Variants in SRRM2 observed in about 807,000 individuals in gnomAD.
SRRM2 encodes serine/arginine repetitive matrix 2, also known as serine/arginine repetitive matrix protein 2.
In SRRM2, 30 loss-of-function variants were observed where a neutral mutation model predicts 213.8. That is an observed-to-expected ratio of 0.14 (90% CI 0.10 to 0.19). The LOEUF (loss-of-function observed/expected upper bound fraction) is 0.19, where lower values mean the gene tolerates loss of function less well. SRRM2 is among the 10% of genes least tolerant of loss of function. SRRM2 has a pLI of 1.00. For missense variants in SRRM2, 4,904 were observed against 3,647.0 expected (o/e 1.34, Z -8.88); for synonymous variants, 2,025 against 1,377.7 (o/e 1.47, Z -10.40).
chr16:2,762,742 A>G lies in SRRM2; in HGVS notation c.2214A>G (p.Gln738=), dbSNP rs1375224338. 1.2e-6 allele frequency: 2 copies of G among 1,614,052 alleles called. No individual in the cohort carries two copies. Among genetic ancestry groups the G allele is most frequent in the Admixed American group, 3.3e-5 (2 of 60,016 alleles). The change falls in exon 11 of 15, where the codon CAA becomes CAG. Residue 738 remains glutamine, a synonymous_variant. Coordinates refer to ENST00000301740, the MANE Select transcript of SRRM2 (RefSeq NM_016333.4). ...GGAAAAACAAATCCAGAACATCTCA[A>G]AGAAGAAGCAGGTCCAATTCAAGCC... The part of the protein sequence containing the change: ...SERKNKSRTS[Q]RRSRSNSSPE...
intron 11 of SRRM2, 68 bp from the exon 12 acceptor site, chr16:2,768,929 C>T (rs1324899413): frequency 1.9e-6 from 3 of 1,602,378 alleles, no homozygotes; most frequent in South Asian, 1.1e-5. Context: ...GCCGTTCCTC[C>T]AGGCCAAGGA....
At chr16:2,754,340 C>T (rs942923924) in intron 1 of SRRM2, among the ~76,000 whole-genome samples, 2 of 151,866 alleles carry the variant, frequency 1.3e-5, no homozygotes, top group East Asian at 3.9e-4. Flanking sequence ...GTTGGCAGGC[C>T]GGAGTGCAGT....
intron 3 of SRRM2, 41 bp downstream of exon 3, chr16:2,757,620 C>T (rs2068192128): frequency 6.3e-7 from 1 of 1,588,012 alleles, no homozygotes; most frequent in African/African-American, 1.4e-5. Flanking sequence ...GGACTCTACT[C>T]TGGCTGCTGG....
rs773022267 is a variant in SRRM2 at position 2,763,350 on chromosome 16, T to C, written c.2822T>C (p.Val941Ala). The change falls in exon 11 of 15, where the codon GTG becomes GCG. Residue 941 changes from valine (V) to alanine (A), a missense_variant. Physicochemically the swap from Val to Ala is moderately conservative, Grantham distance 64. Transcript: ENST00000301740. ...TCCTCTTCTCCAAGTCCTAGTAGGG[T>C]GACGTCGAGAACAACTCCACGGCGA... ...SGSSSPSPSR[V>A]TSRTTPRRSR... The C allele has an allele frequency of 1.2e-6, 2 of 1,614,106 alleles. No homozygotes were observed. The highest frequency in any genetic ancestry group is 1.7e-6 in the Non-Finnish European group (2 of 1,180,034).
intron 1 of SRRM2, among the ~76,000 whole-genome samples, chr16:2,753,949 T>C (rs2150768675): frequency 6.6e-6 from 1 of 152,356 alleles, no homozygotes; most frequent in South Asian, 2.1e-4. Flanking sequence ...ATTTTACTGT[T>C]GAATTCAAAT....
At position 2,765,583 on chromosome 16, in the gene SRRM2, A is replaced by T; in HGVS notation, c.5055A>T (p.Pro1685=). ...AGCCCAAGACCAAGTCTCGTACACCACCTCGACGTCGCAGCTCTCGATCAT... is the reference window on the plus strand; with the variant it reads ...AGCCCAAGACCAAGTCTCGTACACCTCCTCGACGTCGCAGCTCTCGATCAT... ...SPEPKTKSRT[P]PRRRSSRSSP... Residue 1685 remains proline (P), a synonymous_variant, in exon 11 of 15, where the codon CCA becomes CCT. Coordinates refer to ENST00000301740, the MANE Select transcript of SRRM2 (RefSeq NM_016333.4). 1 of 1,614,006 alleles carries T rather than the reference A, an allele frequency of 6.2e-7. No individual in the cohort carries two copies. Among genetic ancestry groups the T allele is most frequent in the Non-Finnish European group, 8.5e-7 (1 of 1,180,008 alleles).
In SRRM2 at chr16:2,770,463, G is replaced by A; in HGVS notation, c.8133G>A (p.Gln2711=). ...CCCAGCCCTCACCACGGGACCAGCA[G>A]AGGTAAGGCCAACTGCAGGTGTCAG... ...PSPQPSPRDQ[Q]SSSSERGSRR... The change falls in exon 13 of 15, where the codon CAG becomes CAA. Residue 2711 remains glutamine, a splice_region_variant and synonymous_variant. Transcript: ENST00000301740. 1 of 1,606,020 alleles carries A rather than the reference G, an allele frequency of 6.2e-7. No individual in the cohort carries two copies. Among genetic ancestry groups the A allele is most frequent in the Non-Finnish European group, 8.5e-7 (1 of 1,176,610 alleles).
In SRRM2 at chr16:2,757,551, A is replaced by G. The variant is rs759842684; in HGVS notation, c.322A>G (p.Lys108Glu). ...LLEKDVNPGGKEETPGQRPAV... is the reference protein window; with the variant it reads ...LLEKDVNPGGEEETPGQRPAV... ...GGAGAAGGATGTGAACCCTGGGGGC[A>G]AGGAGGAGACCCCAGGGCAGAGGCC... Residue 108 changes from lysine to glutamate, a missense_variant, in exon 3 of 15, where the codon AAG becomes GAG. Physicochemically the swap from Lys to Glu is moderately conservative, Grantham distance 56. Transcript: ENST00000301740. 2 of 1,614,024 alleles carry G rather than the reference A, an allele frequency of 1.2e-6. No homozygotes were observed. Among genetic ancestry groups the G allele is most frequent in the South Asian group, 2.2e-5 (2 of 91,068 alleles).
In SRRM2 at chr16:2,766,644, G is replaced by A. The variant is rs746303099; in HGVS notation, c.6116G>A (p.Arg2039His). The change falls in exon 11 of 15, where the codon CGC becomes CAC. Residue 2039 changes from arginine (R) to histidine (H), a missense_variant. Coordinates refer to ENST00000301740, the MANE Select transcript of SRRM2 (RefSeq NM_016333.4). This position sits in a 1 kb window ranked among gnomAD's most constrained non-coding sequence, Gnocchi z 7.0. Reference sequence around the variant, plus strand: ...AGATCTCGAACGCCACTGTTACCACGCAAACGTTCTCGAAGTCGCTCACCA... The same window carrying A: ...AGATCTCGAACGCCACTGTTACCACACAAACGTTCTCGAAGTCGCTCACCA... ...RSRSRTPLLP[R>H]KRSRSRSPLA... 4.1e-5 allele frequency: 66 copies of A among 1,613,430 alleles called. 1 individual carries two copies. Among genetic ancestry groups the A allele is most frequent in the East Asian group, 6.7e-5 (3 of 44,846 alleles).
chr16:2,764,332 T>C lies in SRRM2; in HGVS notation c.3804T>C (p.Phe1268=), dbSNP rs138993052. 6 of 1,614,076 alleles carry C rather than the reference T, an allele frequency of 3.7e-6. No homozygotes were observed. In the African/African-American group the frequency reaches 8.0e-5, roughly 22 times the overall value. The change falls in exon 11 of 15, where the codon TTT becomes TTC. Residue 1268 remains phenylalanine (F), a synonymous_variant. Coordinates refer to ENST00000301740, the MANE Select transcript of SRRM2 (RefSeq NM_016333.4). Reference sequence around the variant, plus strand: ...TTAAAGAAATGTCCACAAGTAACTTTGAATCATCTCCTGAAGTAGAAGAAA... The same window carrying C: ...TTAAAGAAATGTCCACAAGTAACTTCGAATCATCTCCTGAAGTAGAAGAAA... ...SELKEMSTSN[F]ESSPEVEERP... is the part of the protein sequence containing the mutation.
Position 2,763,469 on chromosome 16 carries a change from C to A in SRRM2, c.2941C>A (p.Pro981Thr). The A allele has an allele frequency of 6.2e-7, 1 of 1,614,152 alleles. No homozygotes were observed. The highest frequency in any genetic ancestry group is 8.5e-7 in the Non-Finnish European group (1 of 1,180,032). Residue 981 changes from proline (P) to threonine (T), a missense_variant, in exon 11 of 15, where the codon CCT becomes ACT. Physicochemically the swap from Pro to Thr is conservative, Grantham distance 38 (BLOSUM62 -1). Transcript: ENST00000301740. ...CTCCTCACCAGATACCAAAGTGAAACCTGAAACACCGCCAAGACAAAGTCA... is the reference window on the plus strand; with the variant it reads ...CTCCTCACCAGATACCAAAGTGAAAACTGAAACACCGCCAAGACAAAGTCA... ...GSSSPDTKVK[P>T]ETPPRQSHSG...
chr16:2,762,190 T>C lies in SRRM2; in HGVS notation c.1662T>C (p.Ser554=). ...GAAATACCCAGAGAAGAGGCAGGTC[T>C]AGGTCAGCAAGGCGAGGGAGGTCCC... The part of the protein sequence containing the change: ...RSRNTQRRGR[S]RSARRGRSHS... Residue 554 remains serine (S), a synonymous_variant, in exon 11 of 15, where the codon TCT becomes TCC. Transcript: ENST00000301740. 6.2e-7 allele frequency: 1 copy of C among 1,613,882 alleles called. No homozygotes were observed. Among genetic ancestry groups the C allele is most frequent in the Non-Finnish European group, 8.5e-7 (1 of 1,179,950 alleles).
In SRRM2 at chr16:2,765,725, C is replaced by G. The variant is rs1443412822; in HGVS notation, c.5197C>G (p.Pro1733Ala). 1 of 1,614,144 alleles carries G rather than the reference C, an allele frequency of 6.2e-7. No individual in the cohort carries two copies. Among genetic ancestry groups the G allele is most frequent in the Non-Finnish European group, 8.5e-7 (1 of 1,180,032 alleles). Residue 1733 changes from proline to alanine, a missense_variant, in exon 11 of 15, where the codon CCG (proline) becomes GCG (alanine). Physicochemically the swap from Pro to Ala is conservative, Grantham distance 27. Transcript: ENST00000301740. ...RHRRSPSVSS[P>A]EPAEKSRSSR... is the part of the protein sequence containing the mutation. ...CCGGAGAAGTCCCTCAGTGTCTTCC[C>G]CGGAGCCAGCCGAAAAATCGAGGTC...
Position 2,756,623 on chromosome 16 carries a change from GGA to G in SRRM2, c.242+21_242+22del. On this transcript the variant is annotated intron_variant, in intron 2 of 14. Transcript: ENST00000301740. ...AGAGCAGGGGTGAGGGAGAGCTGGG[GGA>G]GAGTCAAGCACTGAATGAGTGCAGA... is the stretch of plus-strand genomic sequence containing the variant. The G allele has an allele frequency of 6.2e-7, 1 of 1,604,578 alleles. No homozygotes were observed. The highest frequency in any genetic ancestry group is 8.5e-7 in the Non-Finnish European group (1 of 1,175,174).
rs1567222593 is a variant in SRRM2, at chr16:2,759,016, A to G, written c.625A>G (p.Arg209Gly). The G allele has an allele frequency of 6.2e-7, 1 of 1,614,184 alleles. No homozygotes were observed. The highest frequency in any genetic ancestry group is 8.5e-7 in the Non-Finnish European group (1 of 1,180,038). Residue 209 changes from arginine (R) to glycine (G), a missense_variant, in exon 6 of 15, where the codon AGA becomes GGA. Arg to Gly is a moderately radical substitution (Grantham distance 125). Transcript: ENST00000301740. ...AGAGAGCAGCTCTCCTCGACGGGAG[A>G]GAAAGAAAAGCTCAAAGAAGAAGAA... ...RSESSSPRRERKKSSKKKKHR... is the reference protein window; with the variant it reads ...RSESSSPRREGKKSSKKKKHR...
rs765459608 is a variant in SRRM2 at position 2,759,087 on chromosome 16, C to T, written c.656+40C>T. On this transcript the variant is annotated intron_variant, in intron 6 of 14. Transcript: ENST00000301740. ...TACTTGAATGACTGGAGAAGGTTTGCTGAATTCAGGCAGAGGTGTTTCTTA... is the reference window on the plus strand; with the variant it reads ...TACTTGAATGACTGGAGAAGGTTTGTTGAATTCAGGCAGAGGTGTTTCTTA... 8 of 1,614,052 alleles carry T rather than the reference C, an allele frequency of 5.0e-6. No homozygotes were observed. In the African/African-American group the frequency reaches 9.3e-5, roughly 19 times the overall value.
In SRRM2 at chr16:2,765,130, G is replaced by A. The variant is rs759503280; in HGVS notation, c.4602G>A (p.Gly1534=). 5 of 1,614,080 alleles carry A rather than the reference G, an allele frequency of 3.1e-6. No individual in the cohort carries two copies. In the Admixed American group the frequency reaches 6.7e-5, roughly 22 times the overall value. ...AAACTGTGGCTCGGACTCCCCTGGG[G>A]CAGAGAAGTCGTTCGGGATCCTCTC... The part of the protein sequence containing the change: ...DQKTVARTPL[G]QRSRSGSSQE... The change falls in exon 11 of 15, where the codon GGG becomes GGA. Residue 1534 remains glycine, a synonymous_variant. Transcript: ENST00000301740.
In SRRM2 at chr16:2,767,189, A is replaced by C; in HGVS notation, c.6661A>C (p.Arg2221=). Residue 2221 remains arginine, a synonymous_variant, in exon 11 of 15, where the codon AGA becomes CGA. Transcript: ENST00000301740. ...VPAPVPLMSL[R]TAPAANLASR... ...AGCCCCGGTGCCTCTCATGAGTCTCAGAACCGCACCAGCAGCCAACCTTGC... is the reference window on the plus strand; with the variant it reads ...AGCCCCGGTGCCTCTCATGAGTCTCCGAACCGCACCAGCAGCCAACCTTGC... The C allele has an allele frequency of 6.2e-7, 1 of 1,614,182 alleles. No individual in the cohort carries two copies. The highest frequency in any genetic ancestry group is 8.5e-7 in the Non-Finnish European group (1 of 1,180,032).
In SRRM2 at chr16:2,765,277, A is replaced by G; in HGVS notation, c.4749A>G (p.Pro1583=). The change falls in exon 11 of 15, where the codon CCA becomes CCG. Residue 1583 remains proline, a synonymous_variant. Coordinates refer to ENST00000301740, the MANE Select transcript of SRRM2 (RefSeq NM_016333.4). ...LRQRSRSGSS[P]EVDSKSRLSP... ...AGAGGAGTCGGTCTGGATCATCTCC[A>G]GAGGTTGACAGCAAATCTCGACTAT... 6.2e-7 allele frequency: 1 copy of G among 1,614,168 alleles called. No individual in the cohort carries two copies. Among genetic ancestry groups the G allele is most frequent in the Non-Finnish European group, 8.5e-7 (1 of 1,180,022 alleles).
Sources: allele counts gnomAD v4.1 joint callset (sites outside exome capture counted in the v4.1 genomes callset), GRCh38; gene constraint gnomAD v4.1.1; non-coding constraint Gnocchi (gnomAD v3.1); transcripts MANE v1.5; gene names NCBI Gene and HGNC (gene_info 2026-07-23, HGNC 2026-07-21).